Variants in EDC3 observed in about 807,000 individuals in gnomAD.
EDC3 encodes enhancer of mRNA-decapping protein 3.
EDC3 carries 20 observed loss-of-function variants against 41.8 expected under a neutral mutation model. The observed-to-expected ratio is 0.48, with a 90% CI of 0.34 to 0.70. The LOEUF (loss-of-function observed/expected upper bound fraction) is 0.70, where lower values mean the gene tolerates loss of function less well. Among genes scored for constraint, EDC3 ranks in the 30% least tolerant of loss-of-function variants. EDC3 has a pLI of 0.01. For missense variants in EDC3, 444 were observed against 636.8 expected (o/e 0.70, Z 3.26); for synonymous variants, 206 against 243.2 (o/e 0.85, Z 1.42).
At chr15:74,637,195 C>T (rs551701039) in intron 5 of EDC3, 13 of 152,350 alleles carry the variant, frequency 8.5e-5, no homozygotes, top group African/African-American at 2.2e-4. Context: ...TTACTAACCA[C>T]GGGTCTGATT....
chr15:74,683,830 T>G (rs1010923485), intron 1 of EDC3, among the ~76,000 whole-genome samples: 1 of 152,110 alleles, frequency 6.6e-6, no homozygotes, highest in Admixed American at 6.6e-5. Context: ...TTAACAATCA[T>G]TCACTATATT....
At chr15:74,646,821 G>C (rs61204492) in intron 4 of EDC3, among the ~76,000 whole-genome samples, 3,639 of 152,160 alleles carry the variant, frequency 0.024, 150 homozygotes, top group African/African-American at 0.083. Flanking sequence ...ACATAGGGAA[G>C]CTATAGGATA....
At chr15:74,650,766 G>A (rs554812074) in intron 4 of EDC3, among the ~76,000 whole-genome samples, 1 of 152,282 alleles carries the variant, frequency 6.6e-6, no homozygotes, top group African/African-American at 2.4e-5. Flanking sequence ...GGAAGGACAA[G>A]GTGGGCAGAT....
At chr15:74,664,624 A>C (rs1229089997) in intron 3 of EDC3, among the ~76,000 whole-genome samples, 1 of 152,232 alleles carries the variant, frequency 6.6e-6, no homozygotes, top group Non-Finnish European at 1.5e-5. Flanking sequence ...TTTTACTGCC[A>C]GATTAAACAG....
intron 4 of EDC3, chr15:74,643,863 T>C (rs947732881): frequency 6.6e-5 from 10 of 152,222 alleles, no homozygotes; most frequent in Non-Finnish European, 1.2e-4. Context: ...CCAAGTCTTA[T>C]CAATAAGGAG....
Position 74,632,245 on chromosome 15 carries a change from C to A in EDC3, c.*367G>T, listed in dbSNP as rs1039429093. 1 of 284,038 alleles carries A rather than the reference C, an allele frequency of 3.5e-6. No individual in the cohort carries two copies. Among genetic ancestry groups the A allele is most frequent in the South Asian group, 4.6e-5 (1 of 21,722 alleles). The allele number at this position is 284,038 out of a possible 1,614,324, so 17.6% of individuals were successfully genotyped here. ...CTCTGAAATAGAGCAGGTACAGGCC[C>A]CCAGACAGGACCTGGCCCACTCTTC... On this transcript the variant is annotated 3_prime_UTR_variant, in exon 7 of 7. Coordinates refer to ENST00000315127, the MANE Select transcript of EDC3 (RefSeq NM_025083.5). The surrounding 1 kb of genome is among the most constrained non-coding windows in gnomAD (Gnocchi z 4.0).
chr15:74,645,474 T>C (rs562936111), intron 4 of EDC3: 88 of 150,312 alleles, frequency 5.9e-4, no homozygotes, highest in African/African-American at 2.1e-3. Flanking sequence ...CAATGTTAAC[T>C]GGTGAATCTA....
intron 1 of EDC3, among the ~76,000 whole-genome samples, chr15:74,686,418 C>T (rs923218487): frequency 1.3e-5 from 2 of 151,674 alleles, no homozygotes; most frequent in African/African-American, 2.4e-5. Context: ...AATTGGGAGG[C>T]GAAGGTTGCA....
chr15:74,683,884 T>C (rs994657005), intron 1 of EDC3, among the ~76,000 whole-genome samples: 5 of 152,086 alleles, frequency 3.3e-5, no homozygotes, highest in African/African-American at 9.6e-5. Context: ...CAATTACAGC[T>C]AACATGATAC....
chr15:74,649,606 A>G (rs991859211), intron 4 of EDC3, among the ~76,000 whole-genome samples: 1 of 152,204 alleles, frequency 6.6e-6, no homozygotes, highest in Non-Finnish European at 1.5e-5. Context: ...GAAGTCAAAT[A>G]TTTACTGAAT....
Position 74,671,816 on chromosome 15 carries a change from G to T in EDC3, c.165-42C>A. On this transcript the variant is annotated intron_variant, in intron 2 of 6. Coordinates refer to ENST00000315127, the MANE Select transcript of EDC3 (RefSeq NM_025083.5). This position sits in a 1 kb window ranked among gnomAD's most constrained non-coding sequence, Gnocchi z 4.6. ...AGCCAAGTCTCAAAATTATAATAGTGGTAAGAATGATGAAACTGAGATCAT... is the reference window on the plus strand; with the variant it reads ...AGCCAAGTCTCAAAATTATAATAGTTGTAAGAATGATGAAACTGAGATCAT... The T allele has an allele frequency of 6.3e-7, 1 of 1,577,200 alleles. No homozygotes were observed. Among genetic ancestry groups the T allele is most frequent in the South Asian group, 1.1e-5 (1 of 89,034 alleles).
At chr15:74,636,821 T>C (rs2062279192) in intron 5 of EDC3, 1 of 152,228 alleles carries the variant, frequency 6.6e-6, no homozygotes, top group Non-Finnish European at 1.5e-5. Context: ...ATTGCTCCCT[T>C]CAGAGGATGC....
Position 74,630,993 on chromosome 15 carries a change from A to G in EDC3, c.*1619T>C, listed in dbSNP as rs1368048336. The stretch of plus-strand genomic sequence containing the variant: ...TAGACTGCTCCTCAGATTTTGGCCA[A>G]GAGAGGGCCCCGGCTTGGGAGCTGC... On this transcript the variant is annotated 3_prime_UTR_variant, in exon 7 of 7. Transcript: ENST00000315127. 6.6e-6 allele frequency: 1 copy of G among 152,240 alleles called. No individual in the cohort carries two copies. Among genetic ancestry groups the G allele is most frequent in the African/African-American group, 2.4e-5 (1 of 41,454 alleles). The allele number at this position is 152,240 out of a possible 1,614,324, so 9.4% of individuals were successfully genotyped here. A position where few individuals can be genotyped will look rare whatever the true frequency, so the allele number is the denominator to read the frequency against.
Position 74,632,797 on chromosome 15 carries a change from C to T in EDC3, c.1342G>A (p.Glu448Lys). 2 of 1,614,264 alleles carry T rather than the reference C, an allele frequency of 1.2e-6. No individual in the cohort carries two copies. The highest frequency in any genetic ancestry group is 1.7e-6 in the Non-Finnish European group (2 of 1,180,050). The change falls in exon 7 of 7, where the codon GAA becomes AAA. Residue 448 changes from glutamate to lysine, a missense_variant. Physicochemically the swap from Glu to Lys is moderately conservative, Grantham distance 56. Transcript: ENST00000315127. The surrounding 1 kb of genome is among the most constrained non-coding windows in gnomAD (Gnocchi z 4.0). ...PVLSIDPPVH[E>K]VEQGIDAKWS... is the part of the protein sequence containing the mutation. Reference sequence around the variant, plus strand: ...TTGGCATCAATGCCCTGTTCGACTTCATGCACAGGAGGGTCTATGCTGAGT... The same window carrying T: ...TTGGCATCAATGCCCTGTTCGACTTTATGCACAGGAGGGTCTATGCTGAGT...
At chr15:74,669,343 C>CAAA (rs59652636) in intron 3 of EDC3, among the ~76,000 whole-genome samples, 67 of 95,886 alleles carry the variant, frequency 7.0e-4, no homozygotes, top group African/African-American at 2.1e-3. Context: ...AACTCTGTCT[C>CAAA]AAAAAAAAAA....
chr15:74,666,758 C>T (rs1346343644), intron 3 of EDC3, among the ~76,000 whole-genome samples: 2 of 152,138 alleles, frequency 1.3e-5, no homozygotes, highest in African/African-American at 2.4e-5. Flanking sequence ...CTGTTTAATA[C>T]TGTAATGACA....
At chr15:74,638,476 G>A (rs2062303519) in intron 5 of EDC3, 1 of 151,980 alleles carries the variant, frequency 6.6e-6, no homozygotes, top group Admixed American at 6.6e-5. Flanking sequence ...TGGGACTACA[G>A]GCACCTGCCA....
chr15:74,657,332 G>T (rs147731355), intron 3 of EDC3, among the ~76,000 whole-genome samples: 14 of 152,190 alleles, frequency 9.2e-5, no homozygotes, highest in Non-Finnish European at 1.9e-4. Flanking sequence ...CTCCTGCACC[G>T]GCTCACATGT....
At chr15:74,664,687 A>G (rs1448083844) in intron 3 of EDC3, among the ~76,000 whole-genome samples, 1 of 152,174 alleles carries the variant, frequency 6.6e-6, no homozygotes, top group Non-Finnish European at 1.5e-5. Context: ...CAACTCTCAA[A>G]TTCTAGGCCC....
Sources: gnomAD v4.1 joint callset for allele counts (sites outside exome capture counted in the v4.1 genomes callset) on GRCh38, gnomAD v4.1.1 for gene constraint, Gnocchi (gnomAD v3.1) non-coding constraint, MANE v1.5 for transcripts, NCBI Gene and HGNC (gene_info 2026-07-23, HGNC 2026-07-21) for gene names.